DHRS9: variants seen among roughly 807,000 people sequenced by gnomAD.
DHRS9 encodes the protein dehydrogenase/reductase SDR family member 9.
In DHRS9, 18 loss-of-function variants were observed where a neutral mutation model predicts 26.6. The observed-to-expected ratio is 0.68, with a 90% CI of 0.47 to 1.00. DHRS9 has a LOEUF of 1.00. Among genes scored for constraint, DHRS9 ranks in the 50% least tolerant of loss-of-function variants. The probability of loss-of-function intolerance (pLI) is 0.00; values close to 1 mark genes in which losing one functional copy is unlikely to be tolerated. For synonymous variants in DHRS9, 134 were observed against 141.1 expected (o/e 0.95, Z 0.36); for missense variants, 425 against 378.7 (o/e 1.12, Z -1.01).
chr2:169,089,206 T>G (rs1425631851), intron 3 of DHRS9, among the ~76,000 whole-genome samples: 1 of 152,208 alleles, frequency 6.6e-6, no homozygotes, highest in Admixed American at 6.5e-5. Flanking sequence ...GTATTTCTCT[T>G]CAGAGGACTG....
rs566081001 is a variant in DHRS9 at position 169,081,197 on chromosome 2, A to C, written c.-59-326A>C. On this transcript the variant is annotated intron_variant, in intron 1 of 4. Coordinates refer to ENST00000674881, the MANE Select transcript of DHRS9 (RefSeq NM_001376924.1). ...GTCTGTCTTCCTGATAGACGAGTTC[A>C]CTCCTGAGATTAATACCATCACTCC... The C allele has an allele frequency of 3.0e-6, 3 of 991,040 alleles. No individual in the cohort carries two copies. The South Asian group carries it at 1.3e-4, about 42-fold the overall frequency. 61.4% of individuals were successfully genotyped at this position (991,040 alleles called of 1,614,324 possible). A position where few individuals can be genotyped will look rare whatever the true frequency, so the allele number is the denominator to read the frequency against.
chr2:169,070,288 G>T, intron 1 of DHRS9: 1 of 985,442 alleles, frequency 1.0e-6, no homozygotes, highest in African/African-American at 1.7e-5. Flanking sequence ...GGATCCAGGG[G>T]TGGCAGCAAT....
intron 2 of DHRS9, 58 bp from the exon 3 acceptor site, chr2:169,083,271 C>T (rs1684245727): frequency 1.3e-6 from 2 of 1,577,682 alleles, no homozygotes; most frequent in East Asian, 4.5e-5. Context: ...GTATTTTCAT[C>T]AAAGGTGGCA....
At chr2:169,094,639 C>T (rs1352031106) in intron 4 of DHRS9, among the ~76,000 whole-genome samples, 1 of 151,898 alleles carries the variant, frequency 6.6e-6, no homozygotes, top group Non-Finnish European at 1.5e-5. Context: ...ACCTCAGCCT[C>T]CCAAAGTGCT....
intron 1 of DHRS9, among the ~76,000 whole-genome samples, chr2:169,071,070 A>C (rs558375080): frequency 2.7e-5 from 4 of 150,062 alleles, no homozygotes; most frequent in African/African-American, 9.8e-5. Context: ...TCTCAAAAAA[A>C]AAAAACAACA....
chr2:169,072,808 G>A (rs1683847484), intron 1 of DHRS9: 1 of 246,784 alleles, frequency 4.1e-6, no homozygotes, highest in African/African-American at 2.3e-5. Context: ...TCATCTCTTT[G>A]CAGTTCTTCC....
intron 1 of DHRS9, among the ~76,000 whole-genome samples, chr2:169,077,371 A>G (rs1235126780): frequency 2.0e-5 from 3 of 152,338 alleles, no homozygotes; most frequent in Admixed American, 1.3e-4. Flanking sequence ...GTATTGAAAT[A>G]CATCCAAATA....
chr2:169,088,518 G>A (rs1482366235), intron 3 of DHRS9, among the ~76,000 whole-genome samples: 1 of 152,172 alleles, frequency 6.6e-6, no homozygotes, highest in Non-Finnish European at 1.5e-5. Flanking sequence ...TGCATGAATA[G>A]TTGTTTAATT....
intron 3 of DHRS9, among the ~76,000 whole-genome samples, chr2:169,090,740 C>G (rs898946928): frequency 1.3e-5 from 2 of 152,186 alleles, no homozygotes; most frequent in East Asian, 3.8e-4. Context: ...TGGTCCCTGA[C>G]TTGCAATGTT....
rs370308130 is a variant in DHRS9, at chr2:169,081,897, G to A, written c.313+3G>A. On this transcript the variant is annotated splice_donor_region_variant and intron_variant, in intron 2 of 4. Transcript: ENST00000674881. Reference sequence around the variant, plus strand: ...GAAGAACCAAGTTGGGGAGAAAGGTGAGAGACATGGAAGTGGGTAGGATGG... The same window carrying A: ...GAAGAACCAAGTTGGGGAGAAAGGTAAGAGACATGGAAGTGGGTAGGATGG... 1.4e-5 allele frequency: 22 copies of A among 1,597,776 alleles called. No individual in the cohort carries two copies. The East Asian group carries it at 2.5e-4, about 18-fold the overall frequency.
At chr2:169,091,325 G>T (rs1029492673) in intron 3 of DHRS9, among the ~76,000 whole-genome samples, 2 of 152,098 alleles carry the variant, frequency 1.3e-5, no homozygotes, top group Non-Finnish European at 1.5e-5. Flanking sequence ...TAGGGAGCAG[G>T]TTAGTCACAT....
chr2:169,069,417 A>T (rs1683735496), upstream of DHRS9: 1 of 985,314 alleles, frequency 1.0e-6, no homozygotes, highest in African/African-American at 1.7e-5. Context: ...AGCTAAATTT[A>T]TACTGCTGAT....
chr2:169,083,606 CT>C lies in DHRS9; in HGVS notation c.572+21del. ...GCTTAAGGTAAATCAAATTAATCAA[CT>C]TATTAGGAAACAATAGCTGCAAACG... is the stretch of plus-strand genomic sequence containing the variant. On this transcript the variant is annotated intron_variant, in intron 3 of 4. Coordinates refer to ENST00000674881, the MANE Select transcript of DHRS9 (RefSeq NM_001376924.1). 6.2e-7 allele frequency: 1 copy of C among 1,610,106 alleles called. No homozygotes were observed. Among genetic ancestry groups the C allele is most frequent in the Non-Finnish European group, 8.5e-7 (1 of 1,177,242 alleles).
intron 3 of DHRS9, among the ~76,000 whole-genome samples, chr2:169,090,114 G>A (rs767821452): frequency 1.3e-5 from 2 of 152,220 alleles, no homozygotes; most frequent in Non-Finnish European, 2.9e-5. Flanking sequence ...CATGGAACTA[G>A]TATTTTAAAT....
chr2:169,087,012 A>G (rs1684373217), intron 3 of DHRS9, among the ~76,000 whole-genome samples: 1 of 152,102 alleles, frequency 6.6e-6, no homozygotes, highest in South Asian at 2.1e-4. Flanking sequence ...GAGGCTCTAC[A>G]ATTAGCAGGT....
At chr2:169,070,260 A>T (rs975371228) in intron 1 of DHRS9, 9 of 985,278 alleles carry the variant, frequency 9.1e-6, no homozygotes, top group Non-Finnish European at 9.6e-6. Context: ...AATTCCCAAC[A>T]ATTCATATTT....
At chr2:169,067,882 G>A (rs999456133), upstream of DHRS9, among the ~76,000 whole-genome samples, 4 of 152,150 alleles carry the variant, frequency 2.6e-5, no homozygotes, top group Non-Finnish European at 5.9e-5. Flanking sequence ...TACTGAAACT[G>A]AACCCATGAG....
intron 1 of DHRS9, among the ~76,000 whole-genome samples, chr2:169,076,415 A>G (rs914086882): frequency 2.0e-5 from 3 of 152,230 alleles, no homozygotes; most frequent in Non-Finnish European, 2.9e-5. Context: ...TCCAAAGAAC[A>G]TGAACACAAT....
At chr2:169,069,795 GC>G in intron 1 of DHRS9, 78 bp downstream of exon 1, 1 of 971,712 alleles carries the variant, frequency 1.0e-6, no homozygotes, top group Non-Finnish European at 1.2e-6. Flanking sequence ...CCTCACTCTT[GC>G]AGAATGAATC....
Sources: gnomAD v4.1 joint callset for allele counts (sites outside exome capture counted in the v4.1 genomes callset) on GRCh38, gnomAD v4.1.1 for gene constraint, MANE v1.5 for transcripts, NCBI Gene and HGNC (gene_info 2026-07-23, HGNC 2026-07-21) for gene names.